PEPD: variants seen among roughly 807,000 people sequenced by gnomAD.
PEPD encodes xaa-Pro dipeptidase.
A neutral mutation model predicts 60.7 loss-of-function variants in PEPD; 53 were observed. The ratio of observed to expected loss-of-function variants is 0.87; its 90% CI spans 0.70 to 1.10. PEPD has a LOEUF of 1.10. PEPD is among the 50% of genes least tolerant of loss of function. The pLI is 0.00. For missense variants in PEPD, 711 were observed against 711.9 expected, an observed-to-expected ratio of 1.00 and a Z score of 0.01; for synonymous variants, 267 against 284.1, an observed-to-expected ratio of 0.94 and a Z score of 0.60.
chr19:33,464,678 G>A (rs1028516068), intron 7 of PEPD, among the ~76,000 whole-genome samples: 3 of 152,174 alleles, frequency 2.0e-5, no homozygotes, highest in East Asian at 1.9e-4. Flanking sequence ...GGTGGTCTAC[G>A]TGGGCAGGGG....
At chr19:33,511,212 C>G in intron 2 of PEPD, 57 bp from the exon 3 acceptor site, 1 of 1,598,532 alleles carries the variant, frequency 6.3e-7, no homozygotes, top group Non-Finnish European at 8.6e-7. Context: ...CAAGGAGGGA[C>G]CGGTGGCTGC....
chr19:33,462,830 C>A, intron 9 of PEPD, 165 bp downstream of exon 9: 1 of 689,684 alleles, frequency 1.4e-6, no homozygotes, highest in Non-Finnish European at 2.7e-6. Flanking sequence ...GGGAGGCGGG[C>A]GCAGTCAGAA....
chr19:33,403,468 C>T (rs767586235), intron 11 of PEPD, among the ~76,000 whole-genome samples: 18 of 152,182 alleles, frequency 1.2e-4, no homozygotes, highest in Non-Finnish European at 2.4e-4. Flanking sequence ...CCGCGGCTTC[C>T]GTCACGAGGG....
chr19:33,435,951 G>T (rs76984819), intron 9 of PEPD, among the ~76,000 whole-genome samples: 2,123 of 152,332 alleles, frequency 0.014, 28 homozygotes, highest in South Asian at 0.071. Context: ...CCAAGAAGCG[G>T]TGAGCAGGGA....
intron 6 of PEPD, among the ~76,000 whole-genome samples, chr19:33,488,813 T>C (rs1478571546): frequency 6.6e-6 from 1 of 152,072 alleles, no homozygotes; most frequent in Non-Finnish European, 1.5e-5. Flanking sequence ...CATACATAAT[T>C]ATAAGGCGGT....
intron 9 of PEPD, among the ~76,000 whole-genome samples, chr19:33,442,406 C>CAA (rs78376277): frequency 1.0e-3 from 131 of 128,628 alleles, no homozygotes; most frequent in African/African-American, 3.5e-3. Context: ...GACTCTGTCT[C>CAA]AAAAAAAAAA....
chr19:33,490,296 A>G (rs921927372), intron 5 of PEPD, among the ~76,000 whole-genome samples: 1 of 152,236 alleles, frequency 6.6e-6, no homozygotes, highest in African/African-American at 2.4e-5. Flanking sequence ...GCAGCATCCC[A>G]GCTGCACAGC....
intron 13 of PEPD, 66 bp downstream of exon 13, chr19:33,391,229 G>A: frequency 7.5e-7 from 1 of 1,335,838 alleles, no homozygotes; most frequent in Non-Finnish European, 1.1e-6. Context: ...GTCCCACCCT[G>A]CCCTGGGGGT....
At chr19:33,421,200 G>A (rs1969009807) in intron 9 of PEPD, among the ~76,000 whole-genome samples, 3 of 152,198 alleles carry the variant, frequency 2.0e-5, no homozygotes, top group Admixed American at 6.5e-5. Flanking sequence ...ATCTCTGGTT[G>A]AGCAAACAGC....
Position 33,502,723 on chromosome 19 carries a change from T to C in PEPD, c.330-1722A>G, listed in dbSNP as rs1600168079. 3.3e-5 allele frequency among the ~76,000 whole-genome samples: 5 copies of C among 152,198 alleles called. No homozygotes were observed. In the South Asian group the frequency reaches 1.0e-3, roughly 32 times the overall value. ...CACCAGGCGAGCACCAAGTGGCCAA[T>C]GGGAAACCTCCTGGGGGTATCTGGA... is the stretch of plus-strand genomic sequence containing the variant. On this transcript the variant is annotated intron_variant, in intron 3 of 14. Transcript: ENST00000244137.
In PEPD at chr19:33,387,235, T is replaced by C; in HGVS notation, c.*109A>G. On this transcript the variant is annotated 3_prime_UTR_variant, in exon 15 of 15. Coordinates refer to ENST00000244137, the MANE Select transcript of PEPD (RefSeq NM_000285.4). ...CTGATCAAATGCCGAAGCTGGGATC[T>C]GATTCTGGGTGCCGTCTCTCGCTAC... The C allele has an allele frequency of 1.5e-6, 2 of 1,323,202 alleles. No individual in the cohort carries two copies. The highest frequency in any genetic ancestry group is 1.4e-5 in the African/African-American group (1 of 69,646). 82.0% of individuals were successfully genotyped at this position (1,323,202 alleles called of 1,614,324 possible). A position where few individuals can be genotyped will look rare whatever the true frequency, so the allele number is the denominator to read the frequency against.
intron 9 of PEPD, among the ~76,000 whole-genome samples, chr19:33,457,467 C>A (rs1407980959): frequency 6.6e-6 from 1 of 152,128 alleles, no homozygotes; most frequent in Admixed American, 6.5e-5. Context: ...AGGGGGGCTG[C>A]CCACAGACTC....
intron 10 of PEPD, 82 bp from the exon 11 acceptor site, chr19:33,411,831 GC>G: frequency 1.2e-6 from 1 of 837,262 alleles, no homozygotes; most frequent in Non-Finnish European, 2.0e-6. Flanking sequence ...TCGATCCCCT[GC>G]CCATGAGCAG....
At chr19:33,418,577 C>T (rs956710997) in intron 9 of PEPD, among the ~76,000 whole-genome samples, 1 of 152,220 alleles carries the variant, frequency 6.6e-6, no homozygotes, top group African/African-American at 2.4e-5. Flanking sequence ...AAGGCACAGG[C>T]GAAGGCGCCC....
intron 4 of PEPD, among the ~76,000 whole-genome samples, chr19:33,498,893 G>A (rs899795346): frequency 2.6e-5 from 4 of 151,976 alleles, no homozygotes; most frequent in African/African-American, 4.8e-5. Context: ...TGCCCATCCC[G>A]CCAGGGTCCT....
chr19:33,515,995 C>G (rs768876042), intron 1 of PEPD, among the ~76,000 whole-genome samples: 1 of 152,086 alleles, frequency 6.6e-6, no homozygotes, highest in Non-Finnish European at 1.5e-5. Context: ...TCAGCTGCCA[C>G]TGCAAAGAAA....
intron 9 of PEPD, among the ~76,000 whole-genome samples, chr19:33,429,955 T>C (rs1400177818): frequency 6.6e-6 from 1 of 152,160 alleles, no homozygotes; most frequent in East Asian, 1.9e-4. Context: ...AGGTGAATAA[T>C]GGAAATAACA....
At chr19:33,419,222 C>T (rs1968958140) in intron 9 of PEPD, among the ~76,000 whole-genome samples, 1 of 152,156 alleles carries the variant, frequency 6.6e-6, no homozygotes, top group South Asian at 2.1e-4. Context: ...GATGAAGTCA[C>T]ACTCCTGGAG....
chr19:33,428,958 C>A (rs1279624641), intron 9 of PEPD, among the ~76,000 whole-genome samples: 1 of 152,242 alleles, frequency 6.6e-6, no homozygotes, highest in African/African-American at 2.4e-5. Context: ...CCAGGCAGCC[C>A]CGAGTGGAGA....
Sources: gnomAD v4.1 joint callset for allele counts (sites outside exome capture counted in the v4.1 genomes callset) on GRCh38, gnomAD v4.1.1 for gene constraint, MANE v1.5 for transcripts, NCBI Gene and HGNC (gene_info 2026-07-23, HGNC 2026-07-21) for gene names.